The following FYB2 variants were observed in gnomAD, a reference collection of about 807,000 sequenced individuals.
FYB2 encodes FYN binding protein 2, also known as FYN-binding protein 2.
Under a neutral mutation model 94.1 loss-of-function variants are expected in FYB2, and 103 were observed. The observed-to-expected ratio is 1.09, with a 90% CI of 0.93 to 1.29. The LOEUF (loss-of-function observed/expected upper bound fraction) is 1.29, where lower values mean the gene tolerates loss of function less well. Ranked by LOEUF, FYB2 falls within the 50% of genes most tolerant of loss-of-function variation. The probability of loss-of-function intolerance (pLI) is 0.00; values close to 1 mark genes in which losing one functional copy is unlikely to be tolerated. For synonymous variants in FYB2, 293 were observed against 287.9 expected (o/e 1.02, Z -0.18); for missense variants, 896 against 841.5 (o/e 1.06, Z -0.80).
chr1:56,730,340 G>C (rs1644679007), intron 15 of FYB2, among the ~76,000 whole-genome samples: 1 of 127,946 alleles, frequency 7.8e-6, no homozygotes, highest in South Asian at 2.9e-4. Flanking sequence ...GGAGGGGAGA[G>C]GGAAGGGGAG....
chr1:56,741,281 A>T (rs1644946262), intron 12 of FYB2, among the ~76,000 whole-genome samples: 1 of 152,106 alleles, frequency 6.6e-6, no homozygotes, highest in Non-Finnish European at 1.5e-5. Flanking sequence ...TTCAAGACAA[A>T]CTACTGCAAG....
At chr1:56,793,111 C>T (rs1005906556) in intron 1 of FYB2, among the ~76,000 whole-genome samples, 2 of 152,066 alleles carry the variant, frequency 1.3e-5, no homozygotes, top group Non-Finnish European at 2.9e-5. Flanking sequence ...TGGAGAAACC[C>T]CTTGATACAA....
intron 9 of FYB2, among the ~76,000 whole-genome samples, chr1:56,745,328 A>G (rs934328040): frequency 3.3e-5 from 5 of 152,058 alleles, no homozygotes; most frequent in African/African-American, 1.2e-4. Flanking sequence ...CAGCCTTCAC[A>G]CCATTTCCTT....
At chr1:56,742,129 A>G in intron 12 of FYB2, 32 bp downstream of exon 12, 1 of 1,572,814 alleles carries the variant, frequency 6.4e-7, no homozygotes, top group Non-Finnish European at 8.7e-7. Flanking sequence ...GGAAGTCATT[A>G]GCCTACAAAG....
intron 1 of FYB2, among the ~76,000 whole-genome samples, chr1:56,813,846 A>G (rs989026760): frequency 7.2e-5 from 11 of 152,234 alleles, no homozygotes; most frequent in South Asian, 2.1e-4. Flanking sequence ...TAACTGGGAC[A>G]CAGACAAATT....
chr1:56,762,979 A>G lies in FYB2; in HGVS notation c.1064-4229T>C, dbSNP rs561769096. On this transcript the variant is annotated intron_variant, in intron 5 of 19. Transcript: ENST00000343433. ...ATAAATGGAGGTTGTATTTTGTTAA[A>G]TTATTTTCTGCACAGATTGTCTAAT... Among the ~76,000 whole-genome samples, 102 of 152,286 alleles carry G rather than the reference A, an allele frequency of 6.7e-4. 1 individual carries two copies. The highest frequency in any genetic ancestry group is 6.8e-3 in the Middle Eastern group (2 of 294).
chr1:56,766,075 A>G, intron 5 of FYB2, among the ~76,000 whole-genome samples: 1 of 152,166 alleles, frequency 6.6e-6, no homozygotes, highest in East Asian at 1.9e-4. Flanking sequence ...ACGTGGCCCA[A>G]ATGGTGCCCA....
intron 1 of FYB2, among the ~76,000 whole-genome samples, chr1:56,799,653 T>C (rs1301237546): frequency 1.3e-5 from 2 of 152,214 alleles, no homozygotes; most frequent in Admixed American, 6.5e-5. Flanking sequence ...CTCAGTATTA[T>C]ACCCTTTCAA....
chr1:56,735,621 G>T (rs1409378650), intron 15 of FYB2, among the ~76,000 whole-genome samples: 2 of 152,046 alleles, frequency 1.3e-5, no homozygotes, highest in Middle Eastern at 3.2e-3. Context: ...GTGACTGGAG[G>T]TGTAGGCAGT....
At chr1:56,780,711 T>A (rs1235306617) in intron 4 of FYB2, among the ~76,000 whole-genome samples, 12 of 152,114 alleles carry the variant, frequency 7.9e-5, no homozygotes, top group Non-Finnish European at 1.0e-4. Context: ...ATAGAAGTTA[T>A]AGGTGAGATT....
chr1:56,787,767 G>A (rs1325364204), intron 3 of FYB2, among the ~76,000 whole-genome samples: 1 of 152,136 alleles, frequency 6.6e-6, no homozygotes, highest in African/African-American at 2.4e-5. Flanking sequence ...CAGAAGCTGG[G>A]ATCTACAAAG....
intron 4 of FYB2, among the ~76,000 whole-genome samples, chr1:56,782,918 C>A (rs1452628172): frequency 6.6e-6 from 1 of 152,104 alleles, no homozygotes; most frequent in Non-Finnish European, 1.5e-5. Context: ...AAAATATTAG[C>A]CAACTCTGCT....
the FYB2 span, among the ~76,000 whole-genome samples, chr1:56,825,967 C>T: frequency 1.3e-5 from 2 of 152,232 alleles, no homozygotes; most frequent in Non-Finnish European, 2.9e-5. Flanking sequence ...TCCTGACTCC[C>T]ATTGATCCTT....
intron 15 of FYB2, among the ~76,000 whole-genome samples, chr1:56,731,133 C>T (rs1644699951): frequency 6.6e-6 from 1 of 151,942 alleles, no homozygotes; most frequent in Non-Finnish European, 1.5e-5. Flanking sequence ...ATCCTTCCTG[C>T]ACACAACCAG....
intron 15 of FYB2, among the ~76,000 whole-genome samples, chr1:56,732,206 G>T (rs1488086244): frequency 6.6e-6 from 1 of 151,978 alleles, no homozygotes; most frequent in African/African-American, 2.4e-5. Flanking sequence ...CTGAAAATGA[G>T]ATCAAGAAGG....
intron 1 of FYB2, among the ~76,000 whole-genome samples, chr1:56,810,893 G>A (rs1029568589): frequency 1.3e-5 from 2 of 152,044 alleles, no homozygotes; most frequent in African/African-American, 2.4e-5. Context: ...CCCTTTCCAC[G>A]ATCCTTCACA....
chr1:56,821,837 A>G (rs1281442957), upstream of FYB2, among the ~76,000 whole-genome samples: 1 of 152,186 alleles, frequency 6.6e-6, no homozygotes, highest in Non-Finnish European at 1.5e-5. Context: ...ACATGACTAC[A>G]TGGGAGGGTG....
chr1:56,802,831 T>C (rs899662083), intron 1 of FYB2, among the ~76,000 whole-genome samples: 2 of 152,192 alleles, frequency 1.3e-5, no homozygotes, highest in Admixed American at 1.3e-4. Context: ...CATGAAGGCC[T>C]TTCTGTCCAT....
chr1:56,721,411 T>C (rs1202748324), intron 17 of FYB2, among the ~76,000 whole-genome samples: 1 of 152,056 alleles, frequency 6.6e-6, no homozygotes, highest in East Asian at 1.9e-4. Context: ...GGATCATATA[T>C]TACAAGATCA....
Sources: gnomAD v4.1 joint callset for allele counts (sites outside exome capture counted in the v4.1 genomes callset) on GRCh38, gnomAD v4.1.1 for gene constraint, MANE v1.5 for transcripts, NCBI Gene and HGNC (gene_info 2026-07-23, HGNC 2026-07-21) for gene names.